ULK4: variants seen among roughly 807,000 people sequenced by gnomAD.
ULK4 encodes unc-51 like kinase 4, also known as inactive serine/threonine-protein kinase ULK4.
A neutral mutation model predicts 160.6 loss-of-function variants in ULK4; 133 were observed. That is an observed-to-expected ratio of 0.83 (90% CI 0.72 to 0.96). The LOEUF is 0.96. Among genes scored for constraint, ULK4 ranks in the 40% least tolerant of loss-of-function variants. The pLI, the probability that ULK4 is intolerant of heterozygous loss-of-function variation, is 0.00. For synonymous variants in ULK4, 534 were observed against 539.8 expected, an observed-to-expected ratio of 0.99 and a Z score of 0.15; for missense variants, 1,580 against 1,499.5, an observed-to-expected ratio of 1.05 and a Z score of -0.89.
chr3:41,410,614 T>C (rs775196663), intron 34 of ULK4, among the ~76,000 whole-genome samples: 3 of 146,618 alleles, frequency 2.0e-5, no homozygotes, highest in African/African-American at 5.2e-5. Flanking sequence ...TACAAAAATA[T>C]TGAATTATGT....
chr3:41,793,538 G>C (rs1441814802), intron 20 of ULK4, among the ~76,000 whole-genome samples: 1 of 152,126 alleles, frequency 6.6e-6, no homozygotes, highest in Non-Finnish European at 1.5e-5. Context: ...AGATATATCA[G>C]AATAGGGGCA....
At chr3:41,487,164 A>T (rs1298563808) in intron 32 of ULK4, among the ~76,000 whole-genome samples, 1 of 143,206 alleles carries the variant, frequency 7.0e-6, no homozygotes, top group South Asian at 2.3e-4. Context: ...GAAATGTGAG[A>T]CCTATGCAAA....
At chr3:41,713,640 A>G (rs2037173433) in intron 25 of ULK4, among the ~76,000 whole-genome samples, 1 of 152,188 alleles carries the variant, frequency 6.6e-6, no homozygotes, top group Non-Finnish European at 1.5e-5. Flanking sequence ...TTTTTTCAGT[A>G]TCTTAATGAT....
At chr3:41,935,754 A>C in intron 4 of ULK4, 47 bp downstream of exon 4, 1 of 1,563,260 alleles carries the variant, frequency 6.4e-7, no homozygotes, top group Non-Finnish European at 8.6e-7. Context: ...AAAGCACTCT[A>C]ATTTGAGACA....
chr3:41,625,027 C>A (rs2033433900), intron 30 of ULK4, among the ~76,000 whole-genome samples: 1 of 152,130 alleles, frequency 6.6e-6, no homozygotes, highest in African/African-American at 2.4e-5. Context: ...GTAATTTCAA[C>A]TGACGGATGT....
intron 17 of ULK4, among the ~76,000 whole-genome samples, chr3:41,883,180 G>C (rs1697585930): frequency 2.0e-5 from 3 of 152,174 alleles, no homozygotes; most frequent in Admixed American, 2.0e-4. Context: ...AGCACAGAGA[G>C]AAAATGTTCC....
intron 32 of ULK4, among the ~76,000 whole-genome samples, chr3:41,545,800 T>C (rs73830228): frequency 0.061 from 9,270 of 152,158 alleles, 842 homozygotes; most frequent in African/African-American, 0.2. Context: ...GGCTTTTTCA[T>C]TTTTTTAAAT....
rs1323071204 is a variant in ULK4 at position 41,375,748 on chromosome 3, A to T, written c.3678+22331T>A. ...AAGACTTCATGACTAAAATATGAAA[A>T]GCAATGGCAACAAAAGCCAAAACTG... On this transcript the variant is annotated intron_variant, in intron 35 of 36. Coordinates refer to ENST00000301831, the MANE Select transcript of ULK4 (RefSeq NM_017886.4). Among the ~76,000 whole-genome samples, 2 of 150,488 alleles carry T rather than the reference A, an allele frequency of 1.3e-5. 1 individual carries two copies. The highest frequency in any genetic ancestry group is 4.1e-4 in the East Asian group (2 of 4,882).
At chr3:41,763,904 T>C (rs2039073883) in intron 21 of ULK4, among the ~76,000 whole-genome samples, 1 of 152,224 alleles carries the variant, frequency 6.6e-6, no homozygotes, top group Non-Finnish European at 1.5e-5. Flanking sequence ...ATTCTGAGCA[T>C]AGAGCAAATA....
intron 34 of ULK4, among the ~76,000 whole-genome samples, chr3:41,399,192 A>G (rs1177532195): frequency 6.6e-6 from 1 of 152,160 alleles, no homozygotes; most frequent in Non-Finnish European, 1.5e-5. Flanking sequence ...AGTTACAGTT[A>G]TCTTAGTAGG....
At chr3:41,395,355 G>A (rs2082035748) in intron 35 of ULK4, among the ~76,000 whole-genome samples, 1 of 151,912 alleles carries the variant, frequency 6.6e-6, no homozygotes, top group Non-Finnish European at 1.5e-5. Context: ...TCAATAAATG[G>A]GACAGAAAAG....
At chr3:41,285,499 C>T (rs2079439362) in intron 35 of ULK4, among the ~76,000 whole-genome samples, 1 of 152,052 alleles carries the variant, frequency 6.6e-6, no homozygotes, top group Admixed American at 6.6e-5. Flanking sequence ...AATGGAAAAC[C>T]AAACATTGTA....
rs1414395161 is a variant in ULK4, at chr3:41,931,952, C to T, written c.433G>A (p.Val145Met). ...LKFSNFCLAK[V>M]EGENLEEFFA... ...AACTCTTCCAAATTTTCACCTTCCA[C>T]TTTTGCCAAGCAAAAGTTGCTAAAC... The change falls in exon 5 of 37, where the codon GTG becomes ATG. Residue 145 changes from valine (V) to methionine (M), a missense_variant. Transcript: ENST00000301831. 3.7e-6 allele frequency: 6 copies of T among 1,613,956 alleles called. No homozygotes were observed. In the African/African-American group the frequency reaches 8.0e-5, roughly 22 times the overall value.
chr3:41,930,921 G>C (rs1004344818), intron 5 of ULK4, among the ~76,000 whole-genome samples: 11 of 152,146 alleles, frequency 7.2e-5, no homozygotes, highest in African/African-American at 2.7e-4. Flanking sequence ...CATTGCGGAG[G>C]ACAATTCCTC....
At chr3:41,678,368 T>C (rs944424223) in intron 29 of ULK4, among the ~76,000 whole-genome samples, 1 of 152,148 alleles carries the variant, frequency 6.6e-6, no homozygotes, top group African/African-American at 2.4e-5. Flanking sequence ...GATTAAATTA[T>C]TGTTCTTCCT....
chr3:41,713,074 C>T (rs1167844141), intron 25 of ULK4, among the ~76,000 whole-genome samples: 1 of 151,090 alleles, frequency 6.6e-6, no homozygotes, highest in Non-Finnish European at 1.5e-5. Flanking sequence ...CCCACCACTA[C>T]CACCAAAAAA....
At chr3:41,887,963 G>C (rs968761494) in intron 16 of ULK4, among the ~76,000 whole-genome samples, 1 of 151,718 alleles carries the variant, frequency 6.6e-6, no homozygotes, top group Non-Finnish European at 1.5e-5. Context: ...AGGAGTTCAA[G>C]ACCAGCCTGG....
intron 35 of ULK4, among the ~76,000 whole-genome samples, chr3:41,334,363 G>C (rs1057303955): frequency 1.3e-5 from 2 of 152,054 alleles, no homozygotes; most frequent in Non-Finnish European, 2.9e-5. Flanking sequence ...ATCCTGAGGG[G>C]ATCCCAAGCC....
intron 32 of ULK4, among the ~76,000 whole-genome samples, chr3:41,516,182 A>AT (rs1309370046): frequency 5.9e-5 from 9 of 152,192 alleles, no homozygotes; most frequent in African/African-American, 2.2e-4. Context: ...ACATGTTCTG[A>AT]TTCGTTAGTA....
Sources: gnomAD v4.1 joint callset for allele counts (sites outside exome capture counted in the v4.1 genomes callset) on GRCh38, gnomAD v4.1.1 for gene constraint, MANE v1.5 for transcripts, NCBI Gene and HGNC (gene_info 2026-07-23, HGNC 2026-07-21) for gene names.